ATP2C1: variants seen among roughly 807,000 people sequenced by gnomAD.
ATP2C1 encodes ATPase secretory pathway Ca2+ transporting 1.
Under a neutral mutation model 120.5 loss-of-function variants are expected in ATP2C1, and 31 were observed. That is an observed-to-expected ratio of 0.26 (90% CI 0.19 to 0.35). The LOEUF (loss-of-function observed/expected upper bound fraction) is 0.35. ATP2C1 is among the 10% of genes least tolerant of loss of function. The pLI is 1.00. For missense variants in ATP2C1, 731 were observed against 1,107.5 expected (o/e 0.66, Z 4.83); for synonymous variants, 351 against 358.7 (o/e 0.98, Z 0.24).
rs1458771055 is a variant in ATP2C1 at position 130,969,370 on chromosome 3, G to C, written c.1387G>C (p.Val463Leu). The stretch of plus-strand genomic sequence containing the variant: ...TAGCTCTGAGCAAAAGTGGATGGCT[G>C]TTAAGTGTGTACACCGAACACAGCA... The part of the protein sequence containing the change: ...PFSSEQKWMA[V>L]KCVHRTQQDR... Residue 463 changes from valine (V) to leucine (L), a missense_variant, in exon 17 of 28, where the codon GTT becomes CTT. Coordinates refer to ENST00000510168, the MANE Select transcript of ATP2C1 (RefSeq NM_001378687.1). The C allele has an allele frequency of 6.2e-7, 1 of 1,613,794 alleles. No homozygotes were observed. Among genetic ancestry groups the C allele is most frequent in the Non-Finnish European group, 8.5e-7 (1 of 1,179,762 alleles).
intron 1 of ATP2C1, among the ~76,000 whole-genome samples, chr3:130,864,102 T>G (rs556415428): frequency 6.6e-6 from 1 of 152,304 alleles, no homozygotes; most frequent in Admixed American, 6.5e-5. Flanking sequence ...AAAGACTTGT[T>G]GAATGGCTTT....
At chr3:130,941,278 GCGC>G (rs2059906520) in intron 7 of ATP2C1, among the ~76,000 whole-genome samples, 1 of 151,590 alleles carries the variant, frequency 6.6e-6, no homozygotes, top group African/African-American at 2.4e-5. Flanking sequence ...GTGTGTGTGC[GCGC>G]ACGCGCGCAT....
At chr3:130,923,228 T>C (rs2059044542) in intron 2 of ATP2C1, among the ~76,000 whole-genome samples, 1 of 152,020 alleles carries the variant, frequency 6.6e-6, no homozygotes, top group Non-Finnish European at 1.5e-5. Context: ...TCTTTGTCTT[T>C]CTTTTTTTTT....
At chr3:130,999,482 A>G (rs2062788194) in intron 26 of ATP2C1, 36 bp from the exon 27 acceptor site, 1 of 1,610,942 alleles carries the variant, frequency 6.2e-7, no homozygotes, top group Non-Finnish European at 8.5e-7. Context: ...TTCTGTGACC[A>G]AGGAGTAATA....
chr3:130,921,080 T>A lies in ATP2C1; in HGVS notation c.7-9336T>A, dbSNP rs990159562. ...AATGGAATCTTGCGAGTTTTCTTTC[T>A]TTTTTTTTTTTTTTTTTTTGAGACG... On this transcript the variant is annotated intron_variant, in intron 2 of 27. Coordinates refer to ENST00000510168, the MANE Select transcript of ATP2C1 (RefSeq NM_001378687.1). Among the ~76,000 whole-genome samples, 17 of 116,252 alleles carry A rather than the reference T, an allele frequency of 1.5e-4. 1 individual carries two copies. The highest frequency in any genetic ancestry group is 1.4e-3 in the Admixed American group (17 of 12,458). The allele number at this position is 116,252 out of a possible 152,430, so 76.3% of individuals were successfully genotyped here. A position where few individuals can be genotyped will look rare whatever the true frequency, so the allele number is the denominator to read the frequency against.
rs938273761 is a variant in ATP2C1, at chr3:130,959,410, G to A, written c.899+69G>A. On this transcript the variant is annotated intron_variant, in intron 12 of 27. Transcript: ENST00000510168. ...TATTTCTCTAATGGACATAGCTTACGTTTTATTATGGAGATCAGTATTACA... is the reference window on the plus strand; with the variant it reads ...TATTTCTCTAATGGACATAGCTTACATTTTATTATGGAGATCAGTATTACA... 152 of 1,047,380 alleles carry A rather than the reference G, an allele frequency of 1.5e-4. 1 individual carries two copies. The highest frequency in any genetic ancestry group is 5.9e-5 in the Non-Finnish European group (40 of 674,868). 64.9% of individuals were successfully genotyped at this position (1,047,380 alleles called of 1,614,324 possible).
chr3:130,938,451 A>T (rs1393933785), intron 6 of ATP2C1, among the ~76,000 whole-genome samples: 1 of 152,222 alleles, frequency 6.6e-6, no homozygotes, highest in Non-Finnish European at 1.5e-5. Context: ...TCTACGATTT[A>T]TTACGTGGGT....
chr3:130,875,214 C>G (rs977175493), intron 1 of ATP2C1, among the ~76,000 whole-genome samples: 1 of 152,148 alleles, frequency 6.6e-6, no homozygotes, highest in African/African-American at 2.4e-5. Context: ...CTATAAAACA[C>G]TGTAATGTAT....
intron 20 of ATP2C1, among the ~76,000 whole-genome samples, chr3:130,984,268 GATT>G (rs532981343): frequency 1.3e-5 from 2 of 151,858 alleles, no homozygotes; most frequent in Non-Finnish European, 2.9e-5. Flanking sequence ...ACCCAACTCT[GATT>G]ATTATTATTA....
intron 20 of ATP2C1, among the ~76,000 whole-genome samples, chr3:130,991,619 C>CT (rs889153304): frequency 6.6e-6 from 1 of 151,904 alleles, no homozygotes; most frequent in Non-Finnish European, 1.5e-5. Context: ...GTTTTTCTTT[C>CT]TTTTTTTATA....
intron 12 of ATP2C1, among the ~76,000 whole-genome samples, chr3:130,962,744 A>AG (rs2060880183): frequency 6.6e-6 from 1 of 150,626 alleles, no homozygotes; most frequent in Non-Finnish European, 1.5e-5. Flanking sequence ...AAAAGAAAAA[A>AG]GAAAAAAAAG....
upstream of ATP2C1, among the ~76,000 whole-genome samples, chr3:130,892,659 G>GC (rs2069223196): frequency 1.3e-5 from 2 of 149,116 alleles, no homozygotes; most frequent in South Asian, 2.1e-4. Flanking sequence ...CCGTCATTGT[G>GC]CAGACAAAAA....
At chr3:130,870,293 C>G (rs757147007) in intron 1 of ATP2C1, among the ~76,000 whole-genome samples, 2 of 152,166 alleles carry the variant, frequency 1.3e-5, no homozygotes, top group Non-Finnish European at 2.9e-5. Context: ...GTTCTGCAGT[C>G]CATGGATCAA....
chr3:130,911,894 C>T (rs1334825106), intron 2 of ATP2C1, among the ~76,000 whole-genome samples: 1 of 145,028 alleles, frequency 6.9e-6, no homozygotes, highest in Non-Finnish European at 1.5e-5. Flanking sequence ...GTACTGGTAC[C>T]ATAACAGAGA....
intron 2 of ATP2C1, among the ~76,000 whole-genome samples, chr3:130,925,283 T>A (rs537867248): frequency 3.3e-5 from 5 of 152,294 alleles, no homozygotes; most frequent in African/African-American, 1.2e-4. Context: ...GATGTGGTGT[T>A]CTCCCCTTTC....
In ATP2C1 at chr3:130,959,308, A is replaced by G. The variant is rs982854968; in HGVS notation, c.866A>G (p.Lys289Arg). The stretch of plus-strand genomic sequence containing the variant: ...ATGTTGGTTGGCTGGTTACTGGGAA[A>G]AGATATCCTGGAAATGTTTACTATT... ...IIMLVGWLLG[K>R]DILEMFTISV... Residue 289 changes from lysine to arginine, a missense_variant, in exon 12 of 28, where the codon AAA becomes AGA. Around this residue, in one of 3 missense-constraint regions of ATP2C1, gnomAD observed 571 missense variants for 845.9 expected, o/e 0.67. Transcript: ENST00000510168. 1.2e-6 allele frequency: 2 copies of G among 1,609,428 alleles called. No individual in the cohort carries two copies. The highest frequency in any genetic ancestry group is 8.5e-7 in the Non-Finnish European group (1 of 1,176,314).
downstream of ATP2C1, among the ~76,000 whole-genome samples, chr3:131,003,609 A>G (rs1439148677): frequency 5.3e-5 from 8 of 152,208 alleles, no homozygotes; most frequent in African/African-American, 1.7e-4. Flanking sequence ...TGTGCTGGAC[A>G]TTGCATGACC....
At chr3:130,992,815 T>C in intron 20 of ATP2C1, 136 bp from the exon 21 acceptor site, 2 of 704,646 alleles carry the variant, frequency 2.8e-6, no homozygotes, top group Non-Finnish European at 5.1e-6. Context: ...ATATGTCATA[T>C]TGCTTAAGCT....
At chr3:130,876,559 C>T (rs1244437214) in intron 1 of ATP2C1, among the ~76,000 whole-genome samples, 2 of 152,044 alleles carry the variant, frequency 1.3e-5, no homozygotes, top group Non-Finnish European at 2.9e-5. Flanking sequence ...AGTGATGCAT[C>T]CAGGTTTGTT....
Sources: gnomAD v4.1 joint callset for allele counts (sites outside exome capture counted in the v4.1 genomes callset) on GRCh38, gnomAD v4.1.1 for gene constraint, gnomAD v4.1.1 regional missense constraint, MANE v1.5 for transcripts, NCBI Gene and HGNC (gene_info 2026-07-23, HGNC 2026-07-21) for gene names.